Variants in ZNF536 observed in about 807,000 individuals in gnomAD.
The protein encoded by ZNF536 is zinc finger protein 536.
A neutral mutation model predicts 84.5 loss-of-function variants in ZNF536; 13 were observed. The observed-to-expected ratio is 0.15, with a 90% CI of 0.10 to 0.24. The LOEUF is 0.24. ZNF536 is among the 10% of genes least tolerant of loss of function. The pLI is 1.00. For missense variants in ZNF536, 1,536 were observed against 1,747.5 expected (o/e 0.88, Z 2.16); for synonymous variants, 811 against 742.5 (o/e 1.09, Z -1.50).
intron 2 of ZNF536, among the ~76,000 whole-genome samples, chr19:30,455,522 C>T (rs1227491170): frequency 1.3e-5 from 2 of 152,030 alleles, no homozygotes; most frequent in African/African-American, 2.4e-5. Flanking sequence ...GGCAATATAG[C>T]GAAACCCTGT....
At chr19:30,405,688 C>T (rs139580671) in intron 1 of ZNF536, among the ~76,000 whole-genome samples, 48 of 152,252 alleles carry the variant, frequency 3.2e-4, no homozygotes, top group African/African-American at 9.4e-4. Flanking sequence ...GTCGCCACAC[C>T]CGAATCGTTT....
chr19:30,384,785 G>A (rs1030667387), intron 1 of ZNF536, among the ~76,000 whole-genome samples: 5 of 152,222 alleles, frequency 3.3e-5, no homozygotes, highest in Admixed American at 3.3e-4. Flanking sequence ...TCAGTGCTTT[G>A]GGAGGCCAAG....
In ZNF536 at chr19:30,545,689, G is replaced by A. The variant is rs182770813; in HGVS notation, c.2324-2254G>A. On this transcript the variant is annotated intron_variant, in intron 3 of 4. Coordinates refer to ENST00000355537, the MANE Select transcript of ZNF536 (RefSeq NM_014717.3). ...TGGGATTACAGGTGTGAGCCACTGC[G>A]CTTGGCCTCCTGTGTGCCTTTCAAA... Among the ~76,000 whole-genome samples, 1,088 of 152,060 alleles carry A rather than the reference G, an allele frequency of 7.2e-3. 11 individuals are homozygous for A. Among genetic ancestry groups the A allele is most frequent in the African/African-American group, 0.024 (990 of 41,472 alleles).
intron 1 of ZNF536, among the ~76,000 whole-genome samples, chr19:30,577,239 G>C (rs1029091431): frequency 6.6e-6 from 1 of 152,054 alleles, no homozygotes; most frequent in African/African-American, 2.4e-5. Flanking sequence ...GTGTAAATTT[G>C]CTTCATGGTT....
rs545715058 is a variant in ZNF536, at chr19:30,279,215, ATTG to A, written c.-189-4854_-189-4852del. On this transcript the variant is annotated intron_variant, in intron 1 of 5. Transcript: ENST00000585628. ...CTCCAGCTTTATTATCTTCTTAGAG[ATTG>A]TTATTTGCTGGCATATTTTACTTTT... Among the ~76,000 whole-genome samples, 288 of 152,164 alleles carry A rather than the reference ATTG, an allele frequency of 1.9e-3. 1 individual carries two copies. Among genetic ancestry groups the A allele is most frequent in the Non-Finnish European group, 3.4e-3 (234 of 68,000 alleles).
At chr19:30,454,266 A>G (rs2052738636) in intron 2 of ZNF536, among the ~76,000 whole-genome samples, 1 of 152,206 alleles carries the variant, frequency 6.6e-6, no homozygotes, top group South Asian at 2.1e-4. Context: ...CCTCAGTTCC[A>G]AAACCATTTG....
At chr19:30,346,159 C>T (rs1346933478) in intron 2 of ZNF536, among the ~76,000 whole-genome samples, 4 of 152,112 alleles carry the variant, frequency 2.6e-5, no homozygotes, top group African/African-American at 9.7e-5. Flanking sequence ...CAAGGAGACA[C>T]CTTGGGAGCC....
intron 1 of ZNF536, among the ~76,000 whole-genome samples, chr19:30,626,652 A>G (rs984502758): frequency 1.5e-4 from 23 of 151,806 alleles, no homozygotes; most frequent in African/African-American, 2.4e-4. Context: ...CGCTGCCCCA[A>G]TGGGCTCAGG....
chr19:30,454,448 A>G lies in ZNF536; in HGVS notation c.2170+8716A>G, dbSNP rs545856385. 9.8e-5 allele frequency among the ~76,000 whole-genome samples: 15 copies of G among 152,396 alleles called. No individual in the cohort carries two copies. The East Asian group carries it at 2.7e-3, about 27-fold the overall frequency. Reference sequence around the variant, plus strand: ...TCAACATGTTAACGTTGAGTTCAACATGAAGTGTATGCAGTGGTGGTTTTC... The same window carrying G: ...TCAACATGTTAACGTTGAGTTCAACGTGAAGTGTATGCAGTGGTGGTTTTC... On this transcript the variant is annotated intron_variant, in intron 2 of 4. Transcript: ENST00000355537.
At chr19:30,417,090 C>T (rs368578941) in intron 1 of ZNF536, among the ~76,000 whole-genome samples, 2 of 151,960 alleles carry the variant, frequency 1.3e-5, no homozygotes, top group East Asian at 3.9e-4. Flanking sequence ...TCTCCTGCCC[C>T]AGCCTCCTGA....
chr19:30,354,832 A>G (rs1170607390), intron 3 of ZNF536, among the ~76,000 whole-genome samples: 1 of 152,176 alleles, frequency 6.6e-6, no homozygotes, highest in Non-Finnish European at 1.5e-5. Flanking sequence ...TCTAGACCAC[A>G]GGCTTCTTGG....
downstream of ZNF536, among the ~76,000 whole-genome samples, chr19:30,561,668 C>T (rs4805580): frequency 0.9 from 137,520 of 152,200 alleles, 63,022 homozygotes; most frequent in Non-Finnish European, 0.98. Flanking sequence ...TAAGGTACTA[C>T]GTGGAGCTCC....
intron 1 of ZNF536, among the ~76,000 whole-genome samples, chr19:30,271,394 A>G (rs2025847224): frequency 6.7e-6 from 1 of 148,674 alleles, no homozygotes; most frequent in Non-Finnish European, 1.5e-5. Context: ...ATATAATCAC[A>G]GGAAAACAGT....
intron 2 of ZNF536, among the ~76,000 whole-genome samples, chr19:30,466,744 GGAAGAAAGGAGGGAAGGAA>G (rs1568460215): frequency 9.0e-4 from 68 of 75,460 alleles, no homozygotes; most frequent in African/African-American, 3.8e-3. Flanking sequence ...AGGGAGGGAA[GGAAGAAAGGAGGGAAGGAA>G]GGAAGGAAGG....
intron 1 of ZNF536, among the ~76,000 whole-genome samples, chr19:30,600,575 T>C (rs2047649548): frequency 6.6e-6 from 1 of 152,198 alleles, no homozygotes; most frequent in East Asian, 1.9e-4. Context: ...CCCTCATGTA[T>C]TGAACACACA....
intron 1 of ZNF536, among the ~76,000 whole-genome samples, chr19:30,618,402 G>A (rs2048374044): frequency 6.6e-6 from 1 of 152,078 alleles, no homozygotes; most frequent in Non-Finnish European, 1.5e-5. Flanking sequence ...TAAATAGACA[G>A]CATAATATTT....
chr19:30,465,001 G>A (rs1480865750), intron 2 of ZNF536, among the ~76,000 whole-genome samples: 2 of 152,252 alleles, frequency 1.3e-5, no homozygotes, highest in Non-Finnish European at 2.9e-5. Context: ...GGGTTGATGA[G>A]AGAGCAGTGA....
At chr19:30,447,183 T>A (rs1488044529) in intron 2 of ZNF536, among the ~76,000 whole-genome samples, 4 of 152,096 alleles carry the variant, frequency 2.6e-5, no homozygotes, top group African/African-American at 9.7e-5. Context: ...TTTTAAAAGT[T>A]TTTTCTTCTT....
At chr19:30,536,037 C>A (rs1332891077) in intron 3 of ZNF536, among the ~76,000 whole-genome samples, 1 of 152,084 alleles carries the variant, frequency 6.6e-6, no homozygotes, top group Non-Finnish European at 1.5e-5. Flanking sequence ...GGCCATGGGC[C>A]GAGTCACCAG....
Sources: gnomAD v4.1 joint callset for allele counts (sites outside exome capture counted in the v4.1 genomes callset) on GRCh38, gnomAD v4.1.1 for gene constraint, MANE v1.5 for transcripts, NCBI Gene and HGNC (gene_info 2026-07-23, HGNC 2026-07-21) for gene names.